Variants in CSMD3 observed in about 807,000 individuals in gnomAD.
The protein encoded by CSMD3 is CUB and Sushi multiple domains 3, also known as CUB and sushi domain-containing protein 3.
A neutral mutation model predicts 435.2 loss-of-function variants in CSMD3; 177 were observed. That is an observed-to-expected ratio of 0.41 (90% CI 0.36 to 0.46). The LOEUF (loss-of-function observed/expected upper bound fraction) is 0.46, where lower values mean the gene tolerates loss of function less well. CSMD3 is among the 20% of genes least tolerant of loss of function. The pLI is 0.34. For synonymous variants in CSMD3, 1,656 were observed against 1,520.5 expected (o/e 1.09, Z -2.07); for missense variants, 4,265 against 4,504.6 (o/e 0.95, Z 1.52).
intron 59 of CSMD3, among the ~76,000 whole-genome samples, chr8:112,274,549 C>G (rs1817849968): frequency 6.6e-6 from 1 of 152,148 alleles, no homozygotes; most frequent in Non-Finnish European, 1.5e-5. Context: ...TTCTGATCAG[C>G]TCCTGAGGAA....
rs2130957840 is a variant in CSMD3, at chr8:112,336,734, C to T, written c.6937G>A (p.Val2313Ile). The T allele has an allele frequency of 6.2e-7, 1 of 1,613,368 alleles. No individual in the cohort carries two copies. Among genetic ancestry groups the T allele is most frequent in the African/African-American group, 1.3e-5 (1 of 74,996 alleles). ...YPNFQDCFWL[V>I]RVPPGNGIYI... is the part of the protein sequence containing the mutation. The stretch of plus-strand genomic sequence containing the variant: ...ATGCCATTCCCAGGGGGTACTCTTA[C>T]AAGCCAAAAACAATCTTGAAAGTTT... The change falls in exon 44 of 71, where the codon GTA (valine) becomes ATA (isoleucine). Residue 2313 changes from valine (V) to isoleucine (I), a missense_variant. Transcript: ENST00000297405.
intron 23 of CSMD3, among the ~76,000 whole-genome samples, chr8:112,584,255 A>T (rs1563732245): frequency 6.6e-6 from 1 of 151,782 alleles, no homozygotes; most frequent in Non-Finnish European, 1.5e-5. Flanking sequence ...TAATCTGGAG[A>T]GCTTTATAAA....
intron 13 of CSMD3, among the ~76,000 whole-genome samples, chr8:112,750,233 G>T (rs905442382): frequency 1.3e-5 from 2 of 151,620 alleles, no homozygotes; most frequent in African/African-American, 4.8e-5. Context: ...TAAAAAGAAA[G>T]ATAACTATTG....
At position 112,501,107 on chromosome 8, in the gene CSMD3, T is replaced by G. The variant is rs183717221; in HGVS notation, c.5083+2683A>C. Among the ~76,000 whole-genome samples, 554 of 152,058 alleles carry G rather than the reference T, an allele frequency of 3.6e-3. 4 individuals are homozygous for G. The highest frequency in any genetic ancestry group is 7.8e-3 in the Admixed American group (119 of 15,276). On this transcript the variant is annotated intron_variant, in intron 30 of 70. Coordinates refer to ENST00000297405, the MANE Select transcript of CSMD3 (RefSeq NM_198123.2). ...GAGAGAGCTGTCCTCCTTTGTCTTTTTTTTTTGCCTGTTAAACCTCTGCCC... is the reference window on the plus strand; with the variant it reads ...GAGAGAGCTGTCCTCCTTTGTCTTTGTTTTTTGCCTGTTAAACCTCTGCCC...
chr8:113,221,580 C>G (rs559169370), intron 3 of CSMD3, among the ~76,000 whole-genome samples: 1 of 151,094 alleles, frequency 6.6e-6, no homozygotes, highest in Non-Finnish European at 1.5e-5. Flanking sequence ...GATTTCTAAG[C>G]GCTTAATCTG....
chr8:112,873,626 T>C (rs897149577), intron 10 of CSMD3, among the ~76,000 whole-genome samples: 1 of 152,020 alleles, frequency 6.6e-6, no homozygotes, highest in Admixed American at 6.6e-5. Flanking sequence ...TCAACAAATG[T>C]TTTTAAATTT....
At chr8:113,134,144 A>G (rs2091355518) in intron 4 of CSMD3, among the ~76,000 whole-genome samples, 2 of 152,138 alleles carry the variant, frequency 1.3e-5, no homozygotes, top group South Asian at 4.1e-4. Context: ...AGAAGGATTA[A>G]TAAATTCATA....
rs144714769 is a variant in CSMD3, at chr8:112,692,081, G to A, written c.1973-2031C>T. Among the ~76,000 whole-genome samples, 1,120 of 152,110 alleles carry A rather than the reference G, an allele frequency of 7.4e-3. 12 individuals are homozygous for A. Among genetic ancestry groups the A allele is most frequent in the African/African-American group, 0.025 (1,030 of 41,496 alleles). On this transcript the variant is annotated intron_variant, in intron 13 of 70. Transcript: ENST00000297405. ...GTCTCCCAAAGTGCTGGAATTACAG[G>A]TGTGAGCCACTGCGCCCGGCAAATT... is the stretch of plus-strand genomic sequence containing the variant.
chr8:112,877,993 A>C (rs1332077132), intron 10 of CSMD3, among the ~76,000 whole-genome samples: 1 of 152,178 alleles, frequency 6.6e-6, no homozygotes, highest in Non-Finnish European at 1.5e-5. Context: ...AATACTATTT[A>C]GGACATAGGT....
At chr8:113,211,801 C>A (rs981221059) in intron 3 of CSMD3, among the ~76,000 whole-genome samples, 1 of 152,146 alleles carries the variant, frequency 6.6e-6, no homozygotes, top group Non-Finnish European at 1.5e-5. Context: ...GGCATATATG[C>A]CACCTCAATA....
chr8:112,877,822 A>G (rs1038762184), intron 10 of CSMD3, among the ~76,000 whole-genome samples: 29 of 152,172 alleles, frequency 1.9e-4, no homozygotes, highest in African/African-American at 7.0e-4. Context: ...TAGGGAAAGG[A>G]TTCCTTATTT....
intron 2 of CSMD3, among the ~76,000 whole-genome samples, chr8:113,295,546 T>A (rs1399232986): frequency 6.6e-6 from 1 of 152,190 alleles, no homozygotes. Flanking sequence ...GTTAAAAATT[T>A]AGCAATAGGC....
rs990289972 is a variant in CSMD3 at position 112,443,321 on chromosome 8, G to A, written c.5395+29270C>T. 1.9e-4 allele frequency among the ~76,000 whole-genome samples: 29 copies of A among 152,278 alleles called. No homozygotes were observed. The East Asian group carries it at 5.6e-3, about 29-fold the overall frequency. On this transcript the variant is annotated intron_variant, in intron 32 of 70. Coordinates refer to ENST00000297405, the MANE Select transcript of CSMD3 (RefSeq NM_198123.2). ...TTATTTTGAAATGACTTATCTCATGGTTATTTGAGTATAATTTGGCCAAAG... is the reference window on the plus strand; with the variant it reads ...TTATTTTGAAATGACTTATCTCATGATTATTTGAGTATAATTTGGCCAAAG...
intron 13 of CSMD3, among the ~76,000 whole-genome samples, chr8:112,693,305 A>G (rs920599803): frequency 6.6e-6 from 1 of 152,100 alleles, no homozygotes; most frequent in Non-Finnish European, 1.5e-5. Context: ...CACTATTGCT[A>G]GGTTCAGTTT....
intron 5 of CSMD3, among the ~76,000 whole-genome samples, chr8:113,040,375 A>G (rs745959842): frequency 8.5e-5 from 13 of 152,154 alleles, no homozygotes; most frequent in Non-Finnish European, 1.8e-4. Context: ...TTAGTAGAGG[A>G]ATATCATGTC....
At chr8:113,243,100 T>G (rs1349228535) in intron 3 of CSMD3, among the ~76,000 whole-genome samples, 1 of 151,642 alleles carries the variant, frequency 6.6e-6, no homozygotes. Flanking sequence ...TAATTTCATT[T>G]GCATATTTCT....
chr8:113,395,665 G>A (rs1588657272), intron 1 of CSMD3, among the ~76,000 whole-genome samples: 1 of 151,242 alleles, frequency 6.6e-6, no homozygotes, highest in African/African-American at 2.4e-5. Flanking sequence ...AATGATATAT[G>A]AAGGAAAGTA....
chr8:112,392,612 A>G (rs1830515115), intron 35 of CSMD3, among the ~76,000 whole-genome samples: 1 of 151,688 alleles, frequency 6.6e-6, no homozygotes, highest in African/African-American at 2.4e-5. Context: ...AAAATACTTT[A>G]TAGATGCTCT....
rs2130787830 is a variant in CSMD3, at chr8:112,306,130, C to T, written c.7948G>A (p.Val2650Ile). 6.2e-7 allele frequency: 1 copy of T among 1,613,146 alleles called. No homozygotes were observed. Among genetic ancestry groups the T allele is most frequent in the Non-Finnish European group, 8.5e-7 (1 of 1,179,272 alleles). Residue 2650 changes from valine to isoleucine, a missense_variant, in exon 51 of 71, where the codon GTA becomes ATA. Transcript: ENST00000297405. ...NGGILTTDYL[V>I]GTRVTYFCND... Reference sequence around the variant, plus strand: ...CAAAAATAGGTAACTCGCGTTCCTACCAAATAGTCTGTTGTTAGTATTCCT... The same window carrying T: ...CAAAAATAGGTAACTCGCGTTCCTATCAAATAGTCTGTTGTTAGTATTCCT...
Sources: allele counts gnomAD v4.1 joint callset (sites outside exome capture counted in the v4.1 genomes callset), GRCh38; gene constraint gnomAD v4.1.1; transcripts MANE v1.5; gene names NCBI Gene and HGNC (gene_info 2026-07-23, HGNC 2026-07-21).